The following MOBP variants were observed in gnomAD, a reference collection of about 807,000 sequenced individuals.
MOBP encodes the protein myelin-associated oligodendrocyte basic protein.
A neutral mutation model predicts 15.0 loss-of-function variants in MOBP; 5 were observed. That is an observed-to-expected ratio of 0.33 (90% CI 0.17 to 0.70). MOBP has a LOEUF of 0.70. Ranked by LOEUF, MOBP falls within the 30% of genes least tolerant of loss-of-function variation. The pLI, the probability that MOBP is intolerant of heterozygous loss-of-function variation, is 0.67. For synonymous variants in MOBP, 88 were observed against 99.0 expected, an observed-to-expected ratio of 0.89 and a Z score of 0.66; for missense variants, 188 against 257.8, an observed-to-expected ratio of 0.73 and a Z score of 1.85.
chr3:39,509,910 G>A (rs931625547), intron 4 of MOBP, among the ~76,000 whole-genome samples: 1 of 151,936 alleles, frequency 6.6e-6, no homozygotes, highest in Non-Finnish European at 1.5e-5. Context: ...CTAATTCAAG[G>A]TCACAAAGAT....
rs2042983568 is a variant in MOBP, at chr3:39,502,332, C to T, written c.206+57C>T. On this transcript the variant is annotated intron_variant, in intron 3 of 3. Transcript: ENST00000684792. The surrounding 1 kb of genome is among the most constrained non-coding windows in gnomAD (Gnocchi z 6.3). Reference sequence around the variant, plus strand: ...TGGGCACAGCGCGTGGTCTCGGCTCCCAGCACGCCCCTCCCGCTCCGCACC... The same window carrying T: ...TGGGCACAGCGCGTGGTCTCGGCTCTCAGCACGCCCCTCCCGCTCCGCACC... 3 of 1,606,500 alleles carry T rather than the reference C, an allele frequency of 1.9e-6. No homozygotes were observed. The highest frequency in any genetic ancestry group is 2.2e-5 in the East Asian group (1 of 44,768).
At chr3:39,499,366 A>G (rs1036643893) in intron 2 of MOBP, 2 of 152,266 alleles carry the variant, frequency 1.3e-5, no homozygotes, top group Non-Finnish European at 2.9e-5. Flanking sequence ...GCTCCTTTGA[A>G]TATATCTGAT....
intron 2 of MOBP, chr3:39,499,485 C>T (rs2042938533): frequency 6.6e-6 from 1 of 152,550 alleles, no homozygotes; most frequent in Non-Finnish European, 1.5e-5. Flanking sequence ...CAGGTCCACG[C>T]CTCCTCCTGG....
chr3:39,513,530 CAAA>C, exon 5 of MOBP: 1 of 1,125,706 alleles, frequency 8.9e-7, no homozygotes, highest in Non-Finnish European at 1.3e-6. Flanking sequence ...TATGCAGGGG[CAAA>C]CACCTGCTGA....
chr3:39,505,781 A>G (rs1467634774), downstream of MOBP, among the ~76,000 whole-genome samples: 1 of 152,160 alleles, frequency 6.6e-6, no homozygotes, highest in Non-Finnish European at 1.5e-5. Flanking sequence ...CACTCGTTTT[A>G]TAAATCCCTG....
intron 2 of MOBP, among the ~76,000 whole-genome samples, chr3:39,485,114 T>A (rs2042683075): frequency 6.6e-6 from 1 of 152,246 alleles, no homozygotes; most frequent in Non-Finnish European, 1.5e-5. Context: ...TAAATATGTG[T>A]ATGAAATTTT....
intron 1 of MOBP, among the ~76,000 whole-genome samples, chr3:39,468,153 G>A (rs1439657068): frequency 6.6e-6 from 1 of 151,554 alleles, no homozygotes; most frequent in Non-Finnish European, 1.5e-5. Context: ...TCTTATCTAG[G>A]AACAATTTTT....
Position 39,502,985 on chromosome 3 carries a change from C to G in MOBP, c.*105C>G, listed in dbSNP as rs2042997646. 3 of 603,490 alleles carry G rather than the reference C, an allele frequency of 5.0e-6. No individual in the cohort carries two copies. Among genetic ancestry groups the G allele is most frequent in the Non-Finnish European group, 8.6e-6 (3 of 347,000 alleles). The allele number at this position is 603,490 out of a possible 1,614,324, so 37.4% of individuals were successfully genotyped here. A position where few individuals can be genotyped will look rare whatever the true frequency, so the allele number is the denominator to read the frequency against. On this transcript the variant is annotated 3_prime_UTR_variant, in exon 4 of 4. Coordinates refer to ENST00000684792, the MANE Select transcript of MOBP (RefSeq NM_001393704.1). The surrounding 1 kb of genome is among the most constrained non-coding windows in gnomAD (Gnocchi z 6.3). ...GGCCCTCTTCAGCCTTATTACCCAA[C>G]CTGTGTAATCAGCTCCCTCCATTAA...
intron 2 of MOBP, among the ~76,000 whole-genome samples, chr3:39,485,469 A>G (rs986340269): frequency 6.6e-6 from 1 of 152,220 alleles, no homozygotes; most frequent in Non-Finnish European, 1.5e-5. Flanking sequence ...TCTTTGGGAA[A>G]CATGGATGAT....
At chr3:39,508,292 T>A (rs2043072405) in intron 4 of MOBP, among the ~76,000 whole-genome samples, 3 of 152,216 alleles carry the variant, frequency 2.0e-5, no homozygotes, top group Admixed American at 1.3e-4. Context: ...AAAATTAAAC[T>A]CTTTTGGCAT....
At chr3:39,468,792 G>GTATACATATATACATA in intron 1 of MOBP, among the ~76,000 whole-genome samples, 1 of 46,032 alleles carries the variant, frequency 2.2e-5, no homozygotes, top group Non-Finnish European at 4.1e-5. Flanking sequence ...ATACATGTGT[G>GTATACATATATACATA]TGTATATATA....
chr3:39,481,656 C>T (rs1195616581), intron 2 of MOBP, among the ~76,000 whole-genome samples: 1 of 152,188 alleles, frequency 6.6e-6, no homozygotes, highest in Non-Finnish European at 1.5e-5. Context: ...TCTCAAATTT[C>T]TGGGCTGAGT....
downstream of MOBP, among the ~76,000 whole-genome samples, chr3:39,520,865 G>C (rs1213579756): frequency 6.6e-6 from 1 of 151,872 alleles, no homozygotes; most frequent in Non-Finnish European, 1.5e-5. Context: ...AACTCAAGTT[G>C]TCTGTGAAAA....
chr3:39,476,741 C>A (rs2042550692), intron 1 of MOBP, among the ~76,000 whole-genome samples: 1 of 152,084 alleles, frequency 6.6e-6, no homozygotes, highest in South Asian at 2.1e-4. Flanking sequence ...TCTGCTTCCC[C>A]ACATTGTGAT....
At chr3:39,522,482 C>A (rs1265132420) in intron 3 of MOBP, among the ~76,000 whole-genome samples, 1 of 152,110 alleles carries the variant, frequency 6.6e-6, no homozygotes, top group Non-Finnish European at 1.5e-5. Flanking sequence ...CTGTTGTTTT[C>A]TGGAATGTAT....
downstream of MOBP, chr3:39,503,176 T>C (rs1353807493): frequency 2.4e-6 from 1 of 408,926 alleles, no homozygotes; most frequent in Non-Finnish European, 4.3e-6. Context: ...AATAAATGAG[T>C]TCCTCAATGC....
downstream of MOBP, chr3:39,525,601 G>T (rs924246136): frequency 2.0e-5 from 3 of 152,188 alleles, no homozygotes; most frequent in Non-Finnish European, 2.9e-5. Context: ...TCCTTGAGTG[G>T]GCACAACCAT....
At chr3:39,480,259 ACTT>A (rs1382369890) in intron 2 of MOBP, 136 bp downstream of exon 2, 1 of 152,144 alleles carries the variant, frequency 6.6e-6, no homozygotes, top group East Asian at 1.9e-4. Flanking sequence ...AGAGTTAAAC[ACTT>A]CTTTAGTATG....
At chr3:39,489,595 G>A (rs1183627811) in intron 2 of MOBP, among the ~76,000 whole-genome samples, 2 of 152,058 alleles carry the variant, frequency 1.3e-5, no homozygotes, top group Admixed American at 6.6e-5. Flanking sequence ...CTGTTCAGGG[G>A]GTCCTTGTCA....
Sources: gnomAD v4.1 joint callset for allele counts (sites outside exome capture counted in the v4.1 genomes callset) on GRCh38, gnomAD v4.1.1 for gene constraint, Gnocchi (gnomAD v3.1) non-coding constraint, MANE v1.5 for transcripts, NCBI Gene and HGNC (gene_info 2026-07-23, HGNC 2026-07-21) for gene names.